The following RNF170 variants were observed in gnomAD, a reference collection of about 807,000 sequenced individuals.
RNF170 encodes the protein ring finger protein 170.
In RNF170, 12 loss-of-function variants were observed where a neutral mutation model predicts 32.7. That is an observed-to-expected ratio of 0.37 (90% CI 0.24 to 0.60). The LOEUF (loss-of-function observed/expected upper bound fraction) is 0.60. Among genes scored for constraint, RNF170 ranks in the 20% least tolerant of loss-of-function variants. The pLI, the probability that RNF170 is intolerant of heterozygous loss-of-function variation, is 0.72. For missense variants in RNF170, 212 were observed against 311.2 expected, an observed-to-expected ratio of 0.68 and a Z score of 2.40; for synonymous variants, 91 against 103.6, an observed-to-expected ratio of 0.88 and a Z score of 0.74.
chr8:42,893,169 T>C (rs1016173968), intron 1 of RNF170, among the ~76,000 whole-genome samples: 6 of 152,176 alleles, frequency 3.9e-5, no homozygotes, highest in East Asian at 1.9e-4. Context: ...GGGTCTTACA[T>C]GTTGTAGTGG....
chr8:42,849,834 C>G (rs926942941), downstream of RNF170: 1 of 152,192 alleles, frequency 6.6e-6, no homozygotes, highest in Non-Finnish European at 1.5e-5. Context: ...ATGCTGCACG[C>G]ATAGTTCTGG....
chr8:42,852,369 G>A (rs1168882385), downstream of RNF170, among the ~76,000 whole-genome samples: 1 of 152,018 alleles, frequency 6.6e-6, no homozygotes, highest in Non-Finnish European at 1.5e-5. Context: ...TTTCAAAGTG[G>A]TAAACTTATC....
chr8:42,877,818 T>G (rs918830687), intron 2 of RNF170, among the ~76,000 whole-genome samples: 1 of 152,152 alleles, frequency 6.6e-6, no homozygotes, highest in African/African-American at 2.4e-5. Context: ...CAAAGGGCAC[T>G]TAAGAGAGTA....
intron 1 of RNF170, among the ~76,000 whole-genome samples, chr8:42,895,143 C>G (rs370573753): frequency 1.3e-5 from 2 of 151,892 alleles, no homozygotes; most frequent in South Asian, 4.2e-4. Context: ...AGCGAGACCC[C>G]CTCTCTACAA....
downstream of RNF170, chr8:42,850,533 G>A: frequency 1.9e-6 from 1 of 519,330 alleles, no homozygotes; most frequent in South Asian, 2.1e-5. Flanking sequence ...TTAATGTGTT[G>A]AGCACTACTG....
chr8:42,894,289 G>A (rs1377971986), intron 1 of RNF170, among the ~76,000 whole-genome samples: 2 of 152,166 alleles, frequency 1.3e-5, no homozygotes, highest in Non-Finnish European at 2.9e-5. Context: ...GAAAACCGGG[G>A]CCACTGGAGG....
chr8:42,853,846 T>C lies in RNF170; in HGVS notation c.*2313A>G. The C allele has an allele frequency of 7.8e-7, 1 of 1,286,918 alleles. No homozygotes were observed. The highest frequency in any genetic ancestry group is 1.0e-6 in the Non-Finnish European group (1 of 988,476). The allele number at this position is 1,286,918 out of a possible 1,614,324, so 79.7% of individuals were successfully genotyped here. On this transcript the variant is annotated 3_prime_UTR_variant, in exon 7 of 7. Coordinates refer to ENST00000527424, the MANE Select transcript of RNF170 (RefSeq NM_030954.4). ...AAGCTTTAAGATCATTTAGTATTTT[T>C]TTATGTTACAAAATTTGGTACAATA...
At chr8:42,885,660 G>A (rs1473913068) in intron 2 of RNF170, among the ~76,000 whole-genome samples, 1 of 152,088 alleles carries the variant, frequency 6.6e-6, no homozygotes, top group East Asian at 1.9e-4. Context: ...GCATTTCCCT[G>A]GTGATTAGTA....
chr8:42,865,830 C>G (rs980180789), intron 4 of RNF170, among the ~76,000 whole-genome samples: 1 of 152,046 alleles, frequency 6.6e-6, no homozygotes, highest in African/African-American at 2.4e-5. Flanking sequence ...CTAAAAAATA[C>G]AAAAATTAGC....
chr8:42,880,230 C>T (rs978394194), intron 2 of RNF170, among the ~76,000 whole-genome samples: 1 of 152,162 alleles, frequency 6.6e-6, no homozygotes, highest in African/African-American at 2.4e-5. Context: ...GAAGTGGTTT[C>T]TCAAGATAGA....
intron 3 of RNF170, 102 bp from the exon 4 acceptor site, chr8:42,870,214 C>G (rs888996589): frequency 2.3e-5 from 18 of 787,192 alleles, no homozygotes; most frequent in Non-Finnish European, 3.6e-5. Context: ...AGTGTGTAAC[C>G]CTCATCAAAC....
At chr8:42,851,024 T>A (rs763201926), downstream of RNF170, 13 of 1,549,316 alleles carry the variant, frequency 8.4e-6, no homozygotes, top group South Asian at 1.4e-4. Flanking sequence ...GAATGACCTT[T>A]TAAAAATGTT....
At chr8:42,875,122 G>C (rs1804822384) in intron 2 of RNF170, among the ~76,000 whole-genome samples, 2 of 150,106 alleles carry the variant, frequency 1.3e-5, no homozygotes, top group African/African-American at 2.5e-5. Flanking sequence ...GGTGATCTGA[G>C]ATCACGCCAT....
intron 5 of RNF170, among the ~76,000 whole-genome samples, chr8:42,863,978 A>AGG (rs776257416): frequency 2.9e-5 from 2 of 70,050 alleles, no homozygotes; most frequent in Non-Finnish European, 6.4e-5. Flanking sequence ...AGAGAGAGAG[A>AGG]GAGTGTGTGT....
upstream of RNF170, chr8:42,896,740 C>CCGGCGGCAGCGGCGGCGGCGGCGG (rs1554506564): frequency 3.5e-5 from 5 of 144,646 alleles, no homozygotes; most frequent in Admixed American, 2.7e-4. Flanking sequence ...GGGGGCGCGC[C>CCGGCGGCAGCGGCGGCGGCGGCGG]CGGCGGCAGC....
chr8:42,886,966 C>T (rs1276439694), intron 2 of RNF170, among the ~76,000 whole-genome samples: 1 of 151,636 alleles, frequency 6.6e-6, no homozygotes, highest in Non-Finnish European at 1.5e-5. Flanking sequence ...CCAGCCTGGC[C>T]AACCTAGCGA....
intron 5 of RNF170, among the ~76,000 whole-genome samples, chr8:42,864,804 T>TC (rs1803959172): frequency 6.6e-6 from 1 of 150,664 alleles, no homozygotes; most frequent in Non-Finnish European, 1.5e-5. Flanking sequence ...AAAAAAATTT[T>TC]TTTTCAAAAC....
chr8:42,885,063 G>A (rs894501060), intron 2 of RNF170, among the ~76,000 whole-genome samples: 4 of 150,640 alleles, frequency 2.7e-5, no homozygotes, highest in Middle Eastern at 3.4e-3. Flanking sequence ...TCTTTCCATC[G>A]CCTGAGAGCC....
intron 4 of RNF170, 57 bp from the exon 5 acceptor site, chr8:42,865,546 A>C: frequency 8.6e-7 from 1 of 1,158,644 alleles, no homozygotes; most frequent in Non-Finnish European, 1.3e-6. Context: ...TTTAAAGTCC[A>C]CATATCCTCA....
Sources: allele counts gnomAD v4.1 joint callset (sites outside exome capture counted in the v4.1 genomes callset), GRCh38; gene constraint gnomAD v4.1.1; transcripts MANE v1.5; gene names NCBI Gene and HGNC (gene_info 2026-07-23, HGNC 2026-07-21).